Variants in PCDHA8 observed in about 807,000 individuals in gnomAD.
The protein encoded by PCDHA8 is protocadherin alpha-8.
In PCDHA8, 53 loss-of-function variants were observed where a neutral mutation model predicts 61.8. That is an observed-to-expected ratio of 0.86 (90% CI 0.69 to 1.08). The LOEUF (loss-of-function observed/expected upper bound fraction) is 1.08, where lower values mean the gene tolerates loss of function less well. Among genes scored for constraint, PCDHA8 ranks in the 50% least tolerant of loss-of-function variants. The pLI is 0.00. For missense variants in PCDHA8, 1,293 were observed against 1,245.0 expected (o/e 1.04, Z -0.58); for synonymous variants, 618 against 556.6 (o/e 1.11, Z -1.55).
chr5:140,845,374 T>C (rs1368895191), intron 1 of PCDHA8, among the ~76,000 whole-genome samples: 1 of 149,664 alleles, frequency 6.7e-6, no homozygotes, highest in Non-Finnish European at 1.5e-5. Flanking sequence ...ATATCATAAA[T>C]AGGAGGATTC....
rs547096956 is a variant in PCDHA8, at chr5:140,967,167, T to C, written c.2395-11782T>C. 6.2e-6 allele frequency: 10 copies of C among 1,611,120 alleles called. No homozygotes were observed. In the Admixed American group the frequency reaches 8.3e-5, roughly 13 times the overall value. ...CACAACCCCGTGGCGGTGAGCGCCG[T>C]TGAGGTGGAAATATTGGACATCAAC... is the stretch of plus-strand genomic sequence containing the variant. On this transcript the variant is annotated intron_variant, in intron 1 of 3. Transcript: ENST00000531613.
intron 1 of PCDHA8, among the ~76,000 whole-genome samples, chr5:140,905,904 C>T (rs2072197856): frequency 6.6e-6 from 1 of 152,160 alleles, no homozygotes; most frequent in African/African-American, 2.4e-5. Context: ...AGCTGAGGAG[C>T]AAGGAATCCA....
At chr5:140,870,241 G>A (rs782478787) in intron 1 of PCDHA8, 2 of 1,614,196 alleles carry the variant, frequency 1.2e-6, no homozygotes, top group South Asian at 1.1e-5. Flanking sequence ...TGACTCAGGT[G>A]TCAACGGACA....
In PCDHA8 at chr5:140,868,996, G is replaced by A. The variant is rs2050789342; in HGVS notation, c.2394+25281G>A. ...CATCATACCGGATGCCACCGTTTAA[G>A]GATCCTTTGAAACTTCTTAAGAATT... is the stretch of plus-strand genomic sequence containing the variant. On this transcript the variant is annotated intron_variant, in intron 1 of 3. Transcript: ENST00000531613. The A allele has an allele frequency of 2.6e-6, 4 of 1,516,490 alleles. No individual in the cohort carries two copies. The African/African-American group carries it at 4.2e-5, about 16-fold the overall frequency. 93.9% of individuals were successfully genotyped at this position (1,516,490 alleles called of 1,614,324 possible).
chr5:140,853,726 C>T lies in PCDHA8; in HGVS notation c.2394+10011C>T, dbSNP rs545120074. 3.5e-4 allele frequency: 346 copies of T among 988,324 alleles called. 23 individuals are homozygous for T. The highest frequency in any genetic ancestry group is 4.1e-4 in the Non-Finnish European group (339 of 820,418). The allele number at this position is 988,324 out of a possible 1,614,324, so 61.2% of individuals were successfully genotyped here. On this transcript the variant is annotated intron_variant, in intron 1 of 3. Transcript: ENST00000531613. ...CATTAGCATTAGCAGCACCTAAGTC[C>T]TCATTGAATGTTCTGGTTCAAGGCT...
intron 1 of PCDHA8, among the ~76,000 whole-genome samples, chr5:140,890,015 T>C (rs553399283): frequency 2.8e-4 from 43 of 152,210 alleles, no homozygotes; most frequent in African/African-American, 1.0e-3. Flanking sequence ...GCCAGAAAAA[T>C]GTAGAAGGCT....
In PCDHA8 at chr5:140,935,762, C is replaced by T. The variant is rs187194530; in HGVS notation, c.2395-43187C>T. Among the ~76,000 whole-genome samples the T allele has an allele frequency of 2.5e-3, 386 of 152,162 alleles. 3 individuals are homozygous for T. The highest frequency in any genetic ancestry group is 0.018 in the South Asian group (87 of 4,822). On this transcript the variant is annotated intron_variant, in intron 1 of 3. Transcript: ENST00000531613. ...TTATTCCATACAATACACATTCTTC[C>T]CCACTTTGAGTTTTTTCACTTAAAA... is the stretch of plus-strand genomic sequence containing the variant.
At chr5:140,873,823 G>T (rs2054513552) in intron 1 of PCDHA8, among the ~76,000 whole-genome samples, 1 of 152,076 alleles carries the variant, frequency 6.6e-6, no homozygotes, top group Non-Finnish European at 1.5e-5. Context: ...ACCACTCCTG[G>T]CTAATTTTTG....
intron 1 of PCDHA8, among the ~76,000 whole-genome samples, chr5:140,963,173 G>C (rs2095742129): frequency 6.6e-6 from 1 of 151,942 alleles, no homozygotes; most frequent in Non-Finnish European, 1.5e-5. Flanking sequence ...CCATCTTACA[G>C]ATATGCTGTA....
intron 1 of PCDHA8, chr5:140,869,906 A>G: frequency 6.2e-7 from 1 of 1,610,936 alleles, no homozygotes; most frequent in Non-Finnish European, 8.5e-7. Context: ...AACGCCACAG[A>G]CCGAGACGAA....
intron 1 of PCDHA8, among the ~76,000 whole-genome samples, chr5:140,972,667 T>G (rs1442293512): frequency 1.3e-5 from 2 of 149,086 alleles, no homozygotes; most frequent in East Asian, 3.9e-4. Context: ...CAAATTTTTT[T>G]TTTTTTTTTT....
At chr5:141,008,341 T>C (rs1307430556) in intron 3 of PCDHA8, among the ~76,000 whole-genome samples, 2 of 152,132 alleles carry the variant, frequency 1.3e-5, no homozygotes, top group African/African-American at 4.8e-5. Context: ...TGATGGAGCT[T>C]TTCACGTGTC....
At chr5:140,871,344 G>T in intron 1 of PCDHA8, 1 of 1,614,200 alleles carries the variant, frequency 6.2e-7, no homozygotes, top group Non-Finnish European at 8.5e-7. Context: ...TGGGGAGCTG[G>T]TCATACTCGC....
At chr5:140,864,091 A>C (rs564098013) in intron 1 of PCDHA8, 4 of 152,590 alleles carry the variant, frequency 2.6e-5, no homozygotes, top group Admixed American at 2.0e-4. Context: ...TTCAGTTGAT[A>C]AGTATAATGA....
intron 1 of PCDHA8, chr5:140,849,181 T>C: frequency 1.9e-6 from 2 of 1,077,314 alleles, no homozygotes; most frequent in African/African-American, 1.9e-5. Context: ...GTTCAATTAC[T>C]CATCACGGTA....
rs1323450768 is a variant in PCDHA8 at position 140,842,529 on chromosome 5, A to C, written c.1208A>C (p.Asn403Thr). The change falls in exon 1 of 4, where the codon AAT (asparagine) becomes ACT (threonine). Residue 403 changes from asparagine (N) to threonine (T), a missense_variant. By Grantham distance (65) the Asn-to-Thr change is moderately conservative (BLOSUM62 0). Transcript: ENST00000531613. The stretch of plus-strand genomic sequence containing the variant: ...TTCAAGCTGGTGTCCACCTTCAAGA[A>C]TTACTACTCGTTGGTGCTGGACAGC... ...VPFKLVSTFK[N>T]YYSLVLDSAL... 6.2e-7 allele frequency: 1 copy of C among 1,613,050 alleles called. No individual in the cohort carries two copies. The highest frequency in any genetic ancestry group is 2.2e-5 in the East Asian group (1 of 44,880).
intron 1 of PCDHA8, chr5:140,877,170 G>A (rs782615376): frequency 6.2e-7 from 1 of 1,613,712 alleles, no homozygotes. Flanking sequence ...CGGCACTGCT[G>A]GCGACTCCGG....
At chr5:140,907,170 TG>T (rs1318866379) in intron 1 of PCDHA8, among the ~76,000 whole-genome samples, 1 of 152,188 alleles carries the variant, frequency 6.6e-6, no homozygotes. Flanking sequence ...TATTGGATGC[TG>T]ATTCAGAGCA....
intron 1 of PCDHA8, among the ~76,000 whole-genome samples, chr5:140,972,656 C>T (rs1428322208): frequency 6.9e-6 from 1 of 144,688 alleles, no homozygotes; most frequent in Non-Finnish European, 1.5e-5. Context: ...TAAAAAGAAA[C>T]CAAATTTTTT....
Sources: gnomAD v4.1 joint callset for allele counts (sites outside exome capture counted in the v4.1 genomes callset) on GRCh38, gnomAD v4.1.1 for gene constraint, MANE v1.5 for transcripts, NCBI Gene and HGNC (gene_info 2026-07-23, HGNC 2026-07-21) for gene names.